TENM4: variants seen among roughly 807,000 people sequenced by gnomAD.
TENM4 encodes teneurin-4.
A neutral mutation model predicts 243.3 loss-of-function variants in TENM4; 82 were observed. The observed-to-expected ratio is 0.34, with a 90% confidence interval of 0.28 to 0.40. TENM4 has a LOEUF of 0.40. Ranked by LOEUF, TENM4 falls within the 10% of genes least tolerant of loss-of-function variation. The pLI is 1.00. For synonymous variants in TENM4, 1,412 were observed against 1,456.3 expected, an observed-to-expected ratio of 0.97 and a Z score of 0.69; for missense variants, 3,138 against 3,673.3, an observed-to-expected ratio of 0.85 and a Z score of 3.77.
At chr11:78,978,197 C>A (rs891941235) in intron 6 of TENM4, among the ~76,000 whole-genome samples, 12 of 151,336 alleles carry the variant, frequency 7.9e-5, no homozygotes, top group Non-Finnish European at 8.8e-5. Flanking sequence ...ACACTGCAGC[C>A]TGTTGGCGGA....
intron 3 of TENM4, among the ~76,000 whole-genome samples, chr11:79,204,146 T>C (rs1863801367): frequency 6.6e-6 from 1 of 152,150 alleles, no homozygotes; most frequent in Non-Finnish European, 1.5e-5. Flanking sequence ...TGACTGTTAA[T>C]GGGTATGGGT....
chr11:78,990,572 GA>G (rs1858018664), intron 6 of TENM4, among the ~76,000 whole-genome samples: 2 of 152,062 alleles, frequency 1.3e-5, no homozygotes, highest in Non-Finnish European at 1.5e-5. Flanking sequence ...CTGTTCAGTG[GA>G]AAAAAACAAC....
intron 2 of TENM4, among the ~76,000 whole-genome samples, chr11:79,255,198 G>A (rs186178536): frequency 1.3e-5 from 2 of 152,312 alleles, no homozygotes; most frequent in African/African-American, 4.8e-5. Flanking sequence ...AAGTGTCCAA[G>A]TTTATTTTCC....
chr11:79,239,225 C>T (rs952371412), intron 2 of TENM4, among the ~76,000 whole-genome samples: 1 of 152,186 alleles, frequency 6.6e-6, no homozygotes, highest in Non-Finnish European at 1.5e-5. Context: ...GCTCAGTTAA[C>T]ACTTTCTCAT....
chr11:78,782,940 T>C (rs1220804042), intron 16 of TENM4, among the ~76,000 whole-genome samples: 4 of 152,156 alleles, frequency 2.6e-5, no homozygotes, highest in Non-Finnish European at 5.9e-5. Context: ...ACTTCTAGGA[T>C]TGGACAGCTC....
At chr11:79,094,090 G>C (rs1475941498) in intron 4 of TENM4, among the ~76,000 whole-genome samples, 3 of 152,300 alleles carry the variant, frequency 2.0e-5, no homozygotes, top group South Asian at 2.1e-4. Flanking sequence ...ATGGCGGAAG[G>C]TTCCACTGGA....
chr11:78,761,636 T>C (rs568191680), intron 18 of TENM4, among the ~76,000 whole-genome samples: 13 of 152,318 alleles, frequency 8.5e-5, no homozygotes, highest in African/African-American at 2.9e-4. Flanking sequence ...GTTCTAGGAC[T>C]GCTCTAGTAT....
At chr11:79,059,867 G>A (rs1192544940) in intron 6 of TENM4, among the ~76,000 whole-genome samples, 7 of 152,168 alleles carry the variant, frequency 4.6e-5, no homozygotes, top group Non-Finnish European at 1.0e-4. Flanking sequence ...GGGCAACCAG[G>A]ACTTGAGGCC....
rs747412492 is a variant in TENM4, at chr11:78,701,767, C to T, written c.4846G>A (p.Gly1616Ser). 1.2e-5 allele frequency: 20 copies of T among 1,613,880 alleles called. No homozygotes were observed. Among genetic ancestry groups the T allele is most frequent in the Middle Eastern group, 1.6e-4 (1 of 6,062 alleles). The change falls in exon 28 of 34, where the codon GGC becomes AGC. Residue 1616 changes from glycine to serine, a missense_variant. This residue lies in a region of TENM4 where 2,467 missense variants were observed against 3,059.1 expected (regional missense o/e 0.81). Coordinates refer to ENST00000278550, the MANE Select transcript of TENM4 (RefSeq NM_001098816.3). ...TTGTCTGTGATGAGTGTGATGTCGC[C>T]GTCCCCAGTGTAGGTGAAGTTGTAC... ...YLYNFTYTGDGDITLITDNNG... is the reference protein window; with the variant it reads ...YLYNFTYTGDSDITLITDNNG...
intron 6 of TENM4, among the ~76,000 whole-genome samples, chr11:79,030,074 AAG>A (rs1337140690): frequency 1.3e-5 from 2 of 152,180 alleles, no homozygotes; most frequent in Non-Finnish European, 2.9e-5. Context: ...GATTAAAAGC[AAG>A]ATTCCTGTCT....
chr11:79,162,734 G>A (rs530844341), intron 3 of TENM4, among the ~76,000 whole-genome samples: 4 of 152,204 alleles, frequency 2.6e-5, no homozygotes, highest in African/African-American at 7.2e-5. Context: ...TTGGGTTTGC[G>A]GGCTCACCCC....
intron 2 of TENM4, among the ~76,000 whole-genome samples, chr11:79,267,472 T>C (rs984478303): frequency 2.6e-5 from 4 of 152,162 alleles, no homozygotes; most frequent in African/African-American, 4.8e-5. Context: ...AGGTAAACTA[T>C]ATAGAATAAT....
At chr11:79,081,011 AC>A (rs1320609801) in intron 4 of TENM4, among the ~76,000 whole-genome samples, 2 of 152,130 alleles carry the variant, frequency 1.3e-5, no homozygotes, top group Non-Finnish European at 2.9e-5. Flanking sequence ...TTAGGCCTCC[AC>A]TCTGTGAGGT....
chr11:79,295,721 C>T (rs930148139), intron 2 of TENM4, among the ~76,000 whole-genome samples: 1 of 151,994 alleles, frequency 6.6e-6, no homozygotes, highest in Non-Finnish European at 1.5e-5. Flanking sequence ...TTGTCTGACC[C>T]CAAAGAAGAG....
chr11:79,116,995 C>A (rs1339046185), intron 4 of TENM4, among the ~76,000 whole-genome samples: 1 of 152,272 alleles, frequency 6.6e-6, no homozygotes, highest in East Asian at 1.9e-4. Context: ...ATTCAAGTTG[C>A]CTGTGTCATT....
intron 4 of TENM4, among the ~76,000 whole-genome samples, chr11:79,087,989 T>G (rs1452747413): frequency 6.6e-6 from 1 of 152,222 alleles, no homozygotes; most frequent in East Asian, 1.9e-4. Context: ...GCTCTGGCCC[T>G]TGGCCCCGCA....
rs1045377398 is a variant in TENM4 at position 79,287,107 on chromosome 11, G to A, written c.-265+10381C>T. 3.9e-5 allele frequency among the ~76,000 whole-genome samples: 6 copies of A among 152,288 alleles called. No homozygotes were observed. In the East Asian group the frequency reaches 5.8e-4, roughly 15 times the overall value. On this transcript the variant is annotated intron_variant, in intron 2 of 33. Coordinates refer to ENST00000278550, the MANE Select transcript of TENM4 (RefSeq NM_001098816.3). ...TGTGCTTTCATGTGTATTATCACAT[G>A]CAATTCTCAGAGAATGCTACTAAGG...
Position 79,438,309 on chromosome 11 carries a change from G to A in TENM4, c.-321+2200C>T, listed in dbSNP as rs1215774786. The stretch of plus-strand genomic sequence containing the variant: ...GGTTTCTCTATCAAAGCCCATCAAC[G>A]TGATACACAGGCTGCGGCGCTGGAG... On this transcript the variant is annotated intron_variant, in intron 1 of 33. Coordinates refer to ENST00000278550, the MANE Select transcript of TENM4 (RefSeq NM_001098816.3). The surrounding 1 kb of genome is among the most constrained non-coding windows in gnomAD (Gnocchi z 4.1). Among the ~76,000 whole-genome samples the A allele has an allele frequency of 6.6e-6, 1 of 152,168 alleles. No individual in the cohort carries two copies. The highest frequency in any genetic ancestry group is 1.5e-5 in the Non-Finnish European group (1 of 68,032).
At position 79,327,649 on chromosome 11, in the gene TENM4, C is replaced by CTTTT. The variant is rs11408549; in HGVS notation, c.-320-30110_-320-30107dup. Among the ~76,000 whole-genome samples the CTTTT allele has an allele frequency of 6.7e-5, 8 of 119,764 alleles. 1 individual carries two copies. Among genetic ancestry groups the CTTTT allele is most frequent in the African/African-American group, 1.9e-4 (6 of 31,278 alleles). 78.6% of individuals were successfully genotyped at this position (119,764 alleles called of 152,430 possible). A position where few individuals can be genotyped will look rare whatever the true frequency, so the allele number is the denominator to read the frequency against. On this transcript the variant is annotated intron_variant, in intron 1 of 33. Transcript: ENST00000278550. ...ATAAAGCAGAGTCAGAATTGGAAAG[C>CTTTT]TTTTTTTTTTTTTTTTTTTTTAACC...
Sources: gnomAD v4.1 joint callset for allele counts (sites outside exome capture counted in the v4.1 genomes callset) on GRCh38, gnomAD v4.1.1 for gene constraint, gnomAD v4.1.1 regional missense constraint, Gnocchi (gnomAD v3.1) non-coding constraint, MANE v1.5 for transcripts, NCBI Gene and HGNC (gene_info 2026-07-23, HGNC 2026-07-21) for gene names.